NCAM2: variants seen among roughly 807,000 people sequenced by gnomAD.
The protein encoded by NCAM2 is N-CAM-2.
Under a neutral mutation model 98.1 loss-of-function variants are expected in NCAM2, and 30 were observed. The ratio of observed to expected loss-of-function variants is 0.31; its 90% confidence interval spans 0.23 to 0.41. NCAM2 has a LOEUF of 0.41. Ranked by LOEUF, NCAM2 falls within the 10% of genes least tolerant of loss-of-function variation. The pLI is 1.00. For missense variants in NCAM2, 867 were observed against 1,005.8 expected (o/e 0.86, Z 1.87); for synonymous variants, 368 against 342.4 (o/e 1.07, Z -0.83).
At position 20,998,647 on chromosome 21, in the gene NCAM2, C is replaced by G. The variant is rs752314237; in HGVS notation, c.55+29C>G. The G allele has an allele frequency of 3.1e-6, 5 of 1,607,614 alleles. 1 individual carries two copies. In the South Asian group the frequency reaches 5.5e-5, roughly 18 times the overall value. On this transcript the variant is annotated intron_variant, in intron 1 of 17. Coordinates refer to ENST00000400546, the MANE Select transcript of NCAM2 (RefSeq NM_004540.5). ...GGAGTGTGGCGCTTTATTGCATTTACTTTCCCTCCCCCTTCCACCCGGCCA... is the reference window on the plus strand; with the variant it reads ...GGAGTGTGGCGCTTTATTGCATTTAGTTTCCCTCCCCCTTCCACCCGGCCA...
At chr21:21,214,163 A>G (rs939516017) in intron 1 of NCAM2, among the ~76,000 whole-genome samples, 1 of 152,102 alleles carries the variant, frequency 6.6e-6, no homozygotes, top group Admixed American at 6.6e-5. Context: ...GTGTGGGTGT[A>G]TTTTGTGCTT....
intron 1 of NCAM2, among the ~76,000 whole-genome samples, chr21:21,076,627 A>G (rs1020986178): frequency 6.6e-6 from 1 of 152,288 alleles, no homozygotes; most frequent in Middle Eastern, 3.4e-3. Flanking sequence ...ATTTCACAAT[A>G]AAGAATCTTC....
chr21:21,266,348 G>A (rs2072271556), intron 1 of NCAM2, among the ~76,000 whole-genome samples: 2 of 151,926 alleles, frequency 1.3e-5, no homozygotes, highest in South Asian at 2.1e-4. Context: ...ATGACCATGA[G>A]GTTTCATAAA....
At chr21:21,269,863 G>A (rs557227082) in intron 1 of NCAM2, among the ~76,000 whole-genome samples, 5 of 152,180 alleles carry the variant, frequency 3.3e-5, no homozygotes, top group African/African-American at 1.2e-4. Flanking sequence ...TGTAAGTGTT[G>A]AATATCTAGT....
At chr21:21,241,100 C>T (rs572912306) in intron 1 of NCAM2, among the ~76,000 whole-genome samples, 1 of 151,976 alleles carries the variant, frequency 6.6e-6, no homozygotes, top group African/African-American at 2.4e-5. Context: ...ATAATATTCT[C>T]CATTTGTAAA....
chr21:21,214,058 A>G (rs977266294), intron 1 of NCAM2, among the ~76,000 whole-genome samples: 1 of 152,206 alleles, frequency 6.6e-6, no homozygotes, highest in South Asian at 2.1e-4. Flanking sequence ...CTGGTAAGAC[A>G]TAACAAAACT....
chr21:21,344,583 T>A (rs1030052848), intron 8 of NCAM2, among the ~76,000 whole-genome samples: 7 of 152,086 alleles, frequency 4.6e-5, no homozygotes, highest in African/African-American at 1.7e-4. Flanking sequence ...CTGAATCTTG[T>A]GGTCTGAGTG....
chr21:21,019,813 G>A (rs1437102896), intron 1 of NCAM2, among the ~76,000 whole-genome samples: 2 of 151,966 alleles, frequency 1.3e-5, no homozygotes, highest in African/African-American at 2.4e-5. Context: ...CGCATACTTC[G>A]CTAAGTGCCT....
At chr21:21,355,542 GAGGGAGGGAC>G (rs2075453734) in intron 8 of NCAM2, among the ~76,000 whole-genome samples, 1 of 143,620 alleles carries the variant, frequency 7.0e-6, no homozygotes. Flanking sequence ...GGGAGGGAGA[GAGGGAGGGAC>G]GGAGGAAAGA....
At chr21:21,465,871 T>C (rs2146209914) in intron 12 of NCAM2, among the ~76,000 whole-genome samples, 1 of 152,162 alleles carries the variant, frequency 6.6e-6, no homozygotes, top group East Asian at 1.9e-4. Context: ...TTTGAAGATG[T>C]AATATTTTGA....
intron 10 of NCAM2, among the ~76,000 whole-genome samples, chr21:21,414,032 T>A (rs2076938060): frequency 6.6e-6 from 1 of 152,212 alleles, no homozygotes; most frequent in East Asian, 1.9e-4. Flanking sequence ...ATATTCTAAA[T>A]CTTTGGTTAT....
chr21:21,196,396 T>C (rs1294794819), intron 1 of NCAM2, among the ~76,000 whole-genome samples: 1 of 152,214 alleles, frequency 6.6e-6, no homozygotes, highest in Non-Finnish European at 1.5e-5. Flanking sequence ...GCTGAACCTG[T>C]TGGGCCTTCA....
At chr21:21,271,392 C>T (rs1460307668) in intron 1 of NCAM2, among the ~76,000 whole-genome samples, 4 of 152,144 alleles carry the variant, frequency 2.6e-5, no homozygotes, top group African/African-American at 9.7e-5. Context: ...GTGTTAAGTG[C>T]TCCTAGCAAA....
At chr21:21,476,638 T>A in intron 14 of NCAM2, among the ~76,000 whole-genome samples, 1 of 152,172 alleles carries the variant, frequency 6.6e-6, no homozygotes, top group Non-Finnish European at 1.5e-5. Flanking sequence ...TGTCATATGG[T>A]CAAATTTATA....
intron 8 of NCAM2, among the ~76,000 whole-genome samples, chr21:21,351,117 C>CAAAAAA (rs61586915): frequency 1.6e-4 from 13 of 83,722 alleles, no homozygotes; most frequent in African/African-American, 3.9e-4. Context: ...GACTCTGTCT[C>CAAAAAA]AAAAAAAAAA....
intron 16 of NCAM2, among the ~76,000 whole-genome samples, chr21:21,521,081 A>T (rs1602550341): frequency 6.6e-6 from 1 of 152,182 alleles, no homozygotes; most frequent in Non-Finnish European, 1.5e-5. Context: ...AGAGCCTAAC[A>T]TGGGGTTTTT....
At chr21:21,511,701 T>G (rs1988395566) in intron 16 of NCAM2, among the ~76,000 whole-genome samples, 1 of 152,068 alleles carries the variant, frequency 6.6e-6, no homozygotes, top group South Asian at 2.1e-4. Flanking sequence ...TTAAGTTACA[T>G]TCCCACTAAT....
chr21:21,333,556 A>C (rs1435067005), intron 6 of NCAM2, among the ~76,000 whole-genome samples: 1 of 152,222 alleles, frequency 6.6e-6, no homozygotes, highest in Non-Finnish European at 1.5e-5. Context: ...TATATGAAGT[A>C]AGGAGATAAC....
At chr21:21,490,739 G>C (rs755599768) in intron 15 of NCAM2, among the ~76,000 whole-genome samples, 3 of 150,898 alleles carry the variant, frequency 2.0e-5, no homozygotes, top group African/African-American at 4.9e-5. Context: ...CATGTATAAC[G>C]CTTCTGTTTT....
Sources: gnomAD v4.1 joint callset for allele counts (sites outside exome capture counted in the v4.1 genomes callset) on GRCh38, gnomAD v4.1.1 for gene constraint, MANE v1.5 for transcripts, NCBI Gene and HGNC (gene_info 2026-07-23, HGNC 2026-07-21) for gene names.